The following KCND2 variants were observed in gnomAD, a reference collection of about 807,000 sequenced individuals.
KCND2 encodes potassium voltage-gated channel subfamily D member 2, also known as A-type voltage-gated potassium channel KCND2.
In KCND2, 16 loss-of-function variants were observed where a neutral mutation model predicts 54.4. The observed-to-expected ratio is 0.29, with a 90% CI of 0.20 to 0.45. The LOEUF is 0.45. KCND2 is among the 20% of genes least tolerant of loss of function. The pLI is 1.00. For synonymous variants in KCND2, 317 were observed against 310.7 expected (o/e 1.02, Z -0.21); for missense variants, 486 against 824.2 (o/e 0.59, Z 5.02).
intron 1 of KCND2, among the ~76,000 whole-genome samples, chr7:120,394,060 G>T (rs62471551): frequency 0.1 from 15,531 of 151,994 alleles, 840 homozygotes; most frequent in Admixed American, 0.13. Context: ...GATGGGAGGG[G>T]CTTGTAGTGT....
chr7:120,559,708 T>C (rs1466906739), intron 1 of KCND2, among the ~76,000 whole-genome samples: 1 of 152,210 alleles, frequency 6.6e-6, no homozygotes, highest in Non-Finnish European at 1.5e-5. Flanking sequence ...TTTATGCTTT[T>C]GAGCACAGGG....
intron 1 of KCND2, among the ~76,000 whole-genome samples, chr7:120,590,337 C>T (rs1792655170): frequency 6.6e-6 from 1 of 152,066 alleles, no homozygotes; most frequent in South Asian, 2.1e-4. Context: ...ATTTCACCTA[C>T]TTCACAGTGG....
At chr7:120,537,344 C>T (rs1410463060) in intron 1 of KCND2, among the ~76,000 whole-genome samples, 2 of 152,104 alleles carry the variant, frequency 1.3e-5, no homozygotes, top group African/African-American at 4.8e-5. Context: ...CATATGCTGT[C>T]GTCAAAATTT....
chr7:120,377,127 T>C (rs1800843964), intron 1 of KCND2, among the ~76,000 whole-genome samples: 1 of 151,998 alleles, frequency 6.6e-6, no homozygotes, highest in Admixed American at 6.6e-5. Flanking sequence ...TGATTTTAGA[T>C]AGATCACGTA....
At chr7:120,644,321 C>T (rs536314388) in intron 1 of KCND2, among the ~76,000 whole-genome samples, 15 of 152,154 alleles carry the variant, frequency 9.9e-5, no homozygotes, top group South Asian at 2.1e-4. Context: ...GCTCCATTTC[C>T]GAGGCGCAGA....
At chr7:120,705,648 T>C (rs1389361240) in intron 1 of KCND2, among the ~76,000 whole-genome samples, 1 of 152,146 alleles carries the variant, frequency 6.6e-6, no homozygotes, top group African/African-American at 2.4e-5. Flanking sequence ...AATGCAAATT[T>C]ATCAAGAAGG....
At chr7:120,504,252 T>C (rs1298750929) in intron 1 of KCND2, among the ~76,000 whole-genome samples, 1 of 151,982 alleles carries the variant, frequency 6.6e-6, no homozygotes, top group Non-Finnish European at 1.5e-5. Flanking sequence ...AAATAATTCT[T>C]TAGTTCAAAA....
chr7:120,348,229 C>T (rs540510951), intron 1 of KCND2, among the ~76,000 whole-genome samples: 2 of 152,220 alleles, frequency 1.3e-5, no homozygotes, highest in East Asian at 3.9e-4. Flanking sequence ...TGCCCTACAA[C>T]CCACCGTTTA....
intron 1 of KCND2, among the ~76,000 whole-genome samples, chr7:120,484,550 C>T (rs1802662796): frequency 6.6e-6 from 1 of 151,148 alleles, no homozygotes; most frequent in South Asian, 2.1e-4. Context: ...TCTATGGCCC[C>T]TCATTTTACT....
intron 1 of KCND2, among the ~76,000 whole-genome samples, chr7:120,603,806 A>C (rs1356672916): frequency 6.6e-6 from 1 of 152,216 alleles, no homozygotes; most frequent in African/African-American, 2.4e-5. Context: ...CTACTGGCAA[A>C]AATGGCATTG....
chr7:120,587,136 T>C (rs1382116423), intron 1 of KCND2, among the ~76,000 whole-genome samples: 2 of 152,174 alleles, frequency 1.3e-5, no homozygotes, highest in Non-Finnish European at 2.9e-5. Flanking sequence ...TAAACATTTT[T>C]CACAGAGGCA....
intron 1 of KCND2, among the ~76,000 whole-genome samples, chr7:120,314,665 A>C (rs1257686753): frequency 2.0e-5 from 3 of 152,178 alleles, no homozygotes; most frequent in Non-Finnish European, 1.5e-5. Flanking sequence ...ATACAACATA[A>C]AGGTTGCCTG....
chr7:120,729,585 C>T (rs1450289278), intron 1 of KCND2, among the ~76,000 whole-genome samples: 1 of 152,186 alleles, frequency 6.6e-6, no homozygotes, highest in African/African-American at 2.4e-5. Context: ...CTTTCTCTCA[C>T]AACAGCAGAG....
At chr7:120,445,672 T>A (rs938381632) in intron 1 of KCND2, among the ~76,000 whole-genome samples, 1 of 152,146 alleles carries the variant, frequency 6.6e-6, no homozygotes, top group Non-Finnish European at 1.5e-5. Flanking sequence ...ATAGAGATTT[T>A]ATTGGAAGAA....
chr7:120,359,801 G>A (rs998927634), intron 1 of KCND2, among the ~76,000 whole-genome samples: 1 of 152,042 alleles, frequency 6.6e-6, no homozygotes, highest in East Asian at 1.9e-4. Context: ...GATCATGGGG[G>A]TGGTTCCCTG....
intron 1 of KCND2, among the ~76,000 whole-genome samples, chr7:120,360,670 T>C (rs1253568916): frequency 6.6e-6 from 1 of 152,048 alleles, no homozygotes; most frequent in East Asian, 1.9e-4. Context: ...TTTGGGTATT[T>C]TTCTTCCCTG....
In KCND2 at chr7:120,309,029, T is replaced by C. The variant is rs1799689033; in HGVS notation, c.1115+33282T>C. ...AATGGCCTGGGAAATATATGGGCAG[T>C]GGCAAATGACTCAGTGGATTAGAAA... is the stretch of plus-strand genomic sequence containing the variant. On this transcript the variant is annotated intron_variant, in intron 1 of 5. Coordinates refer to ENST00000331113, the MANE Select transcript of KCND2 (RefSeq NM_012281.3). Among the ~76,000 whole-genome samples, 4 of 152,278 alleles carry C rather than the reference T, an allele frequency of 2.6e-5. No homozygotes were observed. In the South Asian group the frequency reaches 8.3e-4, roughly 32 times the overall value.
At chr7:120,740,845 CA>C (rs1792930864) in intron 2 of KCND2, 1 of 456,040 alleles carries the variant, frequency 2.2e-6, no homozygotes, top group Non-Finnish European at 4.4e-6. Flanking sequence ...ATCAGATGCA[CA>C]TACAGTCGTG....
At chr7:120,356,733 A>T (rs1486614411) in intron 1 of KCND2, among the ~76,000 whole-genome samples, 2 of 152,240 alleles carry the variant, frequency 1.3e-5, no homozygotes, top group Admixed American at 1.3e-4. Context: ...GGATTTTTTT[A>T]TCCAGGATGA....
Sources: allele counts gnomAD v4.1 joint callset (sites outside exome capture counted in the v4.1 genomes callset), GRCh38; gene constraint gnomAD v4.1.1; transcripts MANE v1.5; gene names NCBI Gene and HGNC (gene_info 2026-07-23, HGNC 2026-07-21).